PSAP: variants seen among roughly 807,000 people sequenced by gnomAD.
PSAP encodes precursor of saposins.
In PSAP, 25 loss-of-function variants were observed where a neutral mutation model predicts 66.0. The observed-to-expected ratio is 0.38, with a 90% confidence interval of 0.28 to 0.53. PSAP has a LOEUF of 0.53. Ranked by LOEUF, PSAP falls within the 20% of genes least tolerant of loss-of-function variation. The pLI is 0.83. For synonymous variants in PSAP, 273 were observed against 258.9 expected (o/e 1.05, Z -0.52); for missense variants, 649 against 668.8 (o/e 0.97, Z 0.33).
At chr10:71,826,002 G>T in intron 6 of PSAP, 109 bp from the exon 7 acceptor site, 1 of 915,208 alleles carries the variant, frequency 1.1e-6, no homozygotes, top group Non-Finnish European at 1.8e-6. Flanking sequence ...TGACTATCAA[G>T]CAAGTTTCTA....
At chr10:71,837,520 A>C (rs1338478861) in intron 1 of PSAP, among the ~76,000 whole-genome samples, 1 of 152,254 alleles carries the variant, frequency 6.6e-6, no homozygotes, top group Admixed American at 6.5e-5. Context: ...AAAGCTCTAC[A>C]GGCAAGGGTG....
chr10:71,830,766 G>C (rs1842495936), intron 4 of PSAP, among the ~76,000 whole-genome samples: 3 of 152,202 alleles, frequency 2.0e-5, no homozygotes, highest in Non-Finnish European at 4.4e-5. Flanking sequence ...ATTATTCCTT[G>C]ATTATAAGTT....
Position 71,825,873 on chromosome 10 carries a change from C to A in PSAP, c.741G>T (p.Gln247His), listed in dbSNP as rs202069470. 1 of 1,613,712 alleles carries A rather than the reference C, an allele frequency of 6.2e-7. No individual in the cohort carries two copies. The highest frequency in any genetic ancestry group is 8.5e-7 in the Non-Finnish European group (1 of 1,179,588). The change falls in exon 7 of 14, where the codon CAG becomes CAT. Residue 247 changes from glutamine to histidine, a missense_variant. Gln to His is a conservative substitution (Grantham distance 24). Coordinates refer to ENST00000394936, the MANE Select transcript of PSAP (RefSeq NM_002778.4). ...TCATCTGGATAGCAATTTCAGAATA[C>A]TGGCTGATATAGTTCTTGCACTGAG... Reference protein sequence around the residue: ...MADICKNYISQYSEIAIQMMM... With the variant: ...MADICKNYISHYSEIAIQMMM...
rs968829703 is a variant in PSAP, at chr10:71,819,389, CA to C, written c.1350+75del. ...GAGGCAGAAACAGCTGGTTTTCCAT[CA>C]AAATGTACCCCAGCCTTGGCATACT... is the stretch of plus-strand genomic sequence containing the variant. On this transcript the variant is annotated intron_variant, in intron 11 of 13. Transcript: ENST00000394936. 1.0e-5 allele frequency: 16 copies of C among 1,586,260 alleles called. No individual in the cohort carries two copies. The African/African-American group carries it at 1.9e-4, about 19-fold the overall frequency.
chr10:71,834,090 G>C (rs940785722), intron 2 of PSAP, among the ~76,000 whole-genome samples: 3 of 152,314 alleles, frequency 2.0e-5, no homozygotes, highest in East Asian at 3.9e-4. Flanking sequence ...GCAGCATGGG[G>C]CAGGCACCTG....
At position 71,851,222 on chromosome 10, in the gene PSAP, A is replaced by G. The variant is rs931538540; in HGVS notation, c.-1T>C. The G allele has an allele frequency of 1.2e-5, 19 of 1,550,950 alleles. No homozygotes were observed. Among genetic ancestry groups the G allele is most frequent in the Non-Finnish European group, 1.5e-5 (17 of 1,146,848 alleles). On this transcript the variant is annotated 5_prime_UTR_variant, in exon 1 of 14. Coordinates refer to ENST00000394936, the MANE Select transcript of PSAP (RefSeq NM_002778.4). The stretch of plus-strand genomic sequence containing the variant: ...TGGCCAGGAGGAAGAGGGCGTACAT[A>G]GCGCCGTCTGACTCCGCAGTCTGCA...
rs780654138 is a variant in PSAP, at chr10:71,820,345, G to A, written c.910-10C>T. The stretch of plus-strand genomic sequence containing the variant: ...CTGGGACCTCGTGCTTCTGTGGAAA[G>A]AGTAGAAGGAGAGTACTTTCAATGC... On this transcript the variant is annotated splice_polypyrimidine_tract_variant and intron_variant, in intron 8 of 13. Transcript: ENST00000394936. The A allele has an allele frequency of 6.2e-7, 1 of 1,606,396 alleles. No homozygotes were observed. The highest frequency in any genetic ancestry group is 1.1e-5 in the South Asian group (1 of 90,920).
chr10:71,851,175 G>A lies in PSAP; in HGVS notation c.40+7C>T, dbSNP rs1589463867. Reference sequence around the variant, plus strand: ...CTCCTCCCCAGGATGAGGGTCCCAGGGCTTACCCGCGCCCAGGAGGCTGGC... The same window carrying A: ...CTCCTCCCCAGGATGAGGGTCCCAGAGCTTACCCGCGCCCAGGAGGCTGGC... On this transcript the variant is annotated splice_region_variant and intron_variant, in intron 1 of 13. Coordinates refer to ENST00000394936, the MANE Select transcript of PSAP (RefSeq NM_002778.4). The A allele has an allele frequency of 6.4e-7, 1 of 1,551,026 alleles. No homozygotes were observed. The highest frequency in any genetic ancestry group is 8.7e-7 in the Non-Finnish European group (1 of 1,146,812).
intron 1 of PSAP, among the ~76,000 whole-genome samples, chr10:71,841,819 AAC>A (rs1842738577): frequency 6.6e-6 from 1 of 152,154 alleles, no homozygotes; most frequent in African/African-American, 2.4e-5. Context: ...CAGCCTGGCC[AAC>A]ACAGTGAAAC....
At chr10:71,843,767 G>C (rs1177232824) in intron 1 of PSAP, among the ~76,000 whole-genome samples, 1 of 152,186 alleles carries the variant, frequency 6.6e-6, no homozygotes, top group Non-Finnish European at 1.5e-5. Flanking sequence ...TACTGGGTTG[G>C]ACCCAGGAAC....
At chr10:71,837,356 C>A (rs573906144) in intron 1 of PSAP, among the ~76,000 whole-genome samples, 41 of 152,354 alleles carry the variant, frequency 2.7e-4, no homozygotes, top group African/African-American at 8.9e-4. Context: ...CCAAGAGGTG[C>A]AAAGCCCACT....
chr10:71,817,689 A>G (rs1842201900), intron 13 of PSAP, among the ~76,000 whole-genome samples: 1 of 152,246 alleles, frequency 6.6e-6, no homozygotes, highest in Admixed American at 6.5e-5. Context: ...GCACGAGTCC[A>G]GAGCAGCAGA....
chr10:71,826,010 C>T (rs1401087319), intron 6 of PSAP, 117 bp from the exon 7 acceptor site: 1 of 851,372 alleles, frequency 1.2e-6, no homozygotes, highest in Non-Finnish European at 2.0e-6. Context: ...AAGCAAGTTT[C>T]TAAAGTAGAA....
chr10:71,851,245 G>C lies in PSAP; in HGVS notation c.-24C>G. Reference sequence around the variant, plus strand: ...ATAGCGCCGTCTGACTCCGCAGTCTGCAATGCGGAGCGTCAGCTGATCCCC... The same window carrying C: ...ATAGCGCCGTCTGACTCCGCAGTCTCCAATGCGGAGCGTCAGCTGATCCCC... On this transcript the variant is annotated 5_prime_UTR_variant, in exon 1 of 14. Transcript: ENST00000394936. The C allele has an allele frequency of 6.5e-7, 1 of 1,549,468 alleles. No individual in the cohort carries two copies. Among genetic ancestry groups the C allele is most frequent in the African/African-American group, 1.4e-5 (1 of 73,162 alleles).
Position 71,819,094 on chromosome 10 carries a change from T to C in PSAP, c.1368A>G (p.Ala456=). The change falls in exon 12 of 14, where the codon GCA becomes GCG. Residue 456 remains alanine (A), a synonymous_variant. Coordinates refer to ENST00000394936, the MANE Select transcript of PSAP (RefSeq NM_002778.4). Reference sequence around the variant, plus strand: ...TCTCGATCAGCACGGGCTCGTACTCTGCCACAAACTGATCACACTATAAAG... The same window carrying C: ...TCTCGATCAGCACGGGCTCGTACTCCGCCACAAACTGATCACACTATAAAG... ...PYQKQCDQFV[A]EYEPVLIEIL... is the part of the protein sequence containing the mutation. The C allele has an allele frequency of 4.3e-6, 7 of 1,614,114 alleles. No individual in the cohort carries two copies. The highest frequency in any genetic ancestry group is 5.9e-6 in the Non-Finnish European group (7 of 1,179,942).
intron 7 of PSAP, among the ~76,000 whole-genome samples, chr10:71,822,358 A>C (rs796317219): frequency 1.3e-5 from 2 of 152,218 alleles, no homozygotes; most frequent in South Asian, 4.1e-4. Context: ...CACTCTAGGT[A>C]GGAACTAAGC....
chr10:71,823,785 TTG>T lies in PSAP; in HGVS notation c.778-1780_778-1779del. 6 of 832,188 alleles carry T rather than the reference TTG, an allele frequency of 7.2e-6. No individual in the cohort carries two copies. The South Asian group carries it at 8.8e-5, about 12-fold the overall frequency. 51.6% of individuals were successfully genotyped at this position (832,188 alleles called of 1,614,324 possible). On this transcript the variant is annotated intron_variant, in intron 7 of 13. Coordinates refer to ENST00000394936, the MANE Select transcript of PSAP (RefSeq NM_002778.4). ...GGAGCCTGCCTCTCGTAACCATTCC[TTG>T]TATCTGTCAGAGCTAATCATGCCAT...
chr10:71,831,709 TC>T (rs1353157321), intron 3 of PSAP, 136 bp downstream of exon 3: 1 of 859,192 alleles, frequency 1.2e-6, no homozygotes, highest in African/African-American at 1.7e-5. Flanking sequence ...AAATCTTTTC[TC>T]CTTGATCCTT....
intron 13 of PSAP, among the ~76,000 whole-genome samples, chr10:71,817,817 C>T (rs997954284): frequency 2.0e-5 from 3 of 152,212 alleles, no homozygotes; most frequent in Non-Finnish European, 2.9e-5. Flanking sequence ...CAGGCAGAAC[C>T]TCCTTGCCTG....
Sources: gnomAD v4.1 joint callset for allele counts (sites outside exome capture counted in the v4.1 genomes callset) on GRCh38, gnomAD v4.1.1 for gene constraint, MANE v1.5 for transcripts, NCBI Gene and HGNC (gene_info 2026-07-23, HGNC 2026-07-21) for gene names.